LCLAT1: variants seen among roughly 807,000 people sequenced by gnomAD.
The protein encoded by LCLAT1 is 1-AGP acyltransferase 8.
LCLAT1 carries 11 observed loss-of-function variants against 30.7 expected under a neutral mutation model. The ratio of observed to expected loss-of-function variants is 0.36; its 90% CI spans 0.23 to 0.59. LCLAT1 has a LOEUF of 0.59. LCLAT1 is among the 20% of genes least tolerant of loss of function. LCLAT1 has a pLI of 0.77. For synonymous variants in LCLAT1, 155 were observed against 151.3 expected (o/e 1.02, Z -0.18); for missense variants, 402 against 458.6 (o/e 0.88, Z 1.13).
At chr2:30,516,580 C>T (rs984158333) in intron 1 of LCLAT1, among the ~76,000 whole-genome samples, 12 of 152,164 alleles carry the variant, frequency 7.9e-5, no homozygotes, top group Non-Finnish European at 1.6e-4. Flanking sequence ...CCCCTCGTGG[C>T]CCAAGGTTCC....
intron 1 of LCLAT1, among the ~76,000 whole-genome samples, chr2:30,509,764 A>G (rs1030206175): frequency 1.3e-5 from 2 of 151,992 alleles, no homozygotes; most frequent in African/African-American, 4.8e-5. Flanking sequence ...GGGGTTTTGC[A>G]TGTTGGTCAG....
At chr2:30,489,928 T>G (rs1683757744) in intron 1 of LCLAT1, among the ~76,000 whole-genome samples, 1 of 152,234 alleles carries the variant, frequency 6.6e-6, no homozygotes, top group Non-Finnish European at 1.5e-5. Flanking sequence ...TGTGTCTTAA[T>G]CTAGCTATAT....
At chr2:30,640,092 A>G (rs898039105) in intron 5 of LCLAT1, 25 bp from the exon 6 acceptor site, 4 of 1,582,908 alleles carry the variant, frequency 2.5e-6, no homozygotes, top group Admixed American at 1.8e-5. Context: ...TGCTTAATCT[A>G]TGTTTTCATC....
chr2:30,543,500 T>C (rs1664250251), intron 3 of LCLAT1, among the ~76,000 whole-genome samples: 1 of 152,178 alleles, frequency 6.6e-6, no homozygotes, highest in South Asian at 2.1e-4. Context: ...TGTATAGGAC[T>C]GATGTTATTT....
At chr2:30,555,706 G>A (rs1664881682) in intron 3 of LCLAT1, among the ~76,000 whole-genome samples, 1 of 152,104 alleles carries the variant, frequency 6.6e-6, no homozygotes, top group South Asian at 2.1e-4. Flanking sequence ...GATAGAATTA[G>A]ATGTTTAAAT....
At chr2:30,611,883 G>A (rs555596694) in intron 5 of LCLAT1, among the ~76,000 whole-genome samples, 10 of 152,294 alleles carry the variant, frequency 6.6e-5, no homozygotes, top group African/African-American at 1.7e-4. Flanking sequence ...AGAAATGGGC[G>A]TATCATGCCC....
intron 3 of LCLAT1, among the ~76,000 whole-genome samples, chr2:30,541,543 A>G (rs988310690): frequency 6.6e-6 from 1 of 152,132 alleles, no homozygotes; most frequent in African/African-American, 2.4e-5. Context: ...GTTTTATTTT[A>G]TTCTGAATTT....
rs74700431 is a variant in LCLAT1, at chr2:30,528,176, T to C, written c.165+2421T>C. 1.0e-2 allele frequency among the ~76,000 whole-genome samples: 1,520 copies of C among 152,352 alleles called. 22 individuals are homozygous for C. The highest frequency in any genetic ancestry group is 0.034 in the African/African-American group (1,396 of 41,574). ...TTGCACATATCACTTTTGCTTACTC[T>C]ATTGGTAAGAGCAGCTAAAAGCTGT... On this transcript the variant is annotated intron_variant, in intron 2 of 5. Coordinates refer to ENST00000379509, the MANE Select transcript of LCLAT1 (RefSeq NM_001002257.3).
At chr2:30,500,013 GTTA>G (rs1684296517) in intron 1 of LCLAT1, among the ~76,000 whole-genome samples, 2 of 152,080 alleles carry the variant, frequency 1.3e-5, no homozygotes, top group African/African-American at 4.8e-5. Context: ...AATTGACCCT[GTTA>G]TTATTTGTAC....
intron 2 of LCLAT1, among the ~76,000 whole-genome samples, chr2:30,529,548 A>G (rs1685889337): frequency 6.6e-6 from 1 of 152,212 alleles, no homozygotes; most frequent in African/African-American, 2.4e-5. Flanking sequence ...TTTGCTTCTC[A>G]AAATTCTAAC....
At chr2:30,492,857 G>A (rs973040282) in intron 1 of LCLAT1, among the ~76,000 whole-genome samples, 1 of 152,122 alleles carries the variant, frequency 6.6e-6, no homozygotes, top group Non-Finnish European at 1.5e-5. Context: ...TGACAAATCA[G>A]TATTTTGCAC....
intron 3 of LCLAT1, among the ~76,000 whole-genome samples, chr2:30,561,755 C>T (rs542835465): frequency 6.6e-6 from 1 of 152,286 alleles, no homozygotes; most frequent in East Asian, 1.9e-4. Context: ...TTGCTTACTG[C>T]TCTGTAAGCT....
intron 5 of LCLAT1, among the ~76,000 whole-genome samples, chr2:30,623,076 C>T (rs1206189970): frequency 2.8e-5 from 3 of 106,440 alleles, no homozygotes; most frequent in East Asian, 3.1e-4. Context: ...TTTTTTGAGA[C>T]GGAGTCTCAC....
At chr2:30,572,259 T>C (rs1333015291) in intron 5 of LCLAT1, among the ~76,000 whole-genome samples, 4 of 152,212 alleles carry the variant, frequency 2.6e-5, no homozygotes, top group Non-Finnish European at 4.4e-5. Flanking sequence ...AAAGTCATGA[T>C]TGCCTTAATG....
At chr2:30,566,318 T>C (rs1314430520) in intron 4 of LCLAT1, among the ~76,000 whole-genome samples, 2 of 152,204 alleles carry the variant, frequency 1.3e-5, no homozygotes, top group Admixed American at 1.3e-4. Context: ...TTACTACTCA[T>C]CTTTGTGGTG....
chr2:30,624,848 A>G (rs554206823), intron 5 of LCLAT1, among the ~76,000 whole-genome samples: 1 of 152,330 alleles, frequency 6.6e-6, no homozygotes, highest in East Asian at 1.9e-4. Context: ...ACATTCTCCA[A>G]GATAGACTAT....
intron 5 of LCLAT1, among the ~76,000 whole-genome samples, chr2:30,579,440 G>A (rs1250881583): frequency 2.0e-5 from 3 of 152,142 alleles, no homozygotes; most frequent in African/African-American, 7.2e-5. Context: ...ACTAGTGACA[G>A]TATCAGAATA....
intron 3 of LCLAT1, among the ~76,000 whole-genome samples, chr2:30,541,415 T>TA (rs1270740771): frequency 6.7e-6 from 1 of 150,006 alleles, no homozygotes; most frequent in Non-Finnish European, 1.5e-5. Context: ...AAAAAGTTAT[T>TA]AAACAAAAAA....
In LCLAT1 at chr2:30,522,020, C is replaced by A. The variant is rs186485887; in HGVS notation, c.-4-3567C>A. Among the ~76,000 whole-genome samples the A allele has an allele frequency of 1.2e-4, 19 of 152,270 alleles. No homozygotes were observed. In the East Asian group the frequency reaches 3.3e-3, roughly 26 times the overall value. ...CATTTGAGATTAACTCAACATGTTGCATGGATCAGTAGTTTGTCGTTATTC... is the reference window on the plus strand; with the variant it reads ...CATTTGAGATTAACTCAACATGTTGAATGGATCAGTAGTTTGTCGTTATTC... On this transcript the variant is annotated intron_variant, in intron 1 of 5. Transcript: ENST00000379509.
Sources: allele counts gnomAD v4.1 joint callset (sites outside exome capture counted in the v4.1 genomes callset), GRCh38; gene constraint gnomAD v4.1.1; transcripts MANE v1.5; gene names NCBI Gene and HGNC (gene_info 2026-07-23, HGNC 2026-07-21).